The following CUX2 variants were observed in gnomAD, a reference collection of about 807,000 sequenced individuals.
The protein encoded by CUX2 is cut like homeobox 2.
CUX2 carries 40 observed loss-of-function variants against 144.8 expected under a neutral mutation model. The ratio of observed to expected loss-of-function variants is 0.28; its 90% CI spans 0.21 to 0.36. The LOEUF (loss-of-function observed/expected upper bound fraction) is 0.36, where lower values mean the gene tolerates loss of function less well. CUX2 is among the 10% of genes least tolerant of loss of function. The pLI is 1.00. For missense variants in CUX2, 1,615 were observed against 1,994.0 expected (o/e 0.81, Z 3.62); for synonymous variants, 827 against 875.6 (o/e 0.94, Z 0.98).
At chr12:111,163,445 G>C (rs1008209520) in intron 1 of CUX2, among the ~76,000 whole-genome samples, 33 of 152,334 alleles carry the variant, frequency 2.2e-4, no homozygotes, top group African/African-American at 7.0e-4. Context: ...TTATATATGA[G>C]CCTGGGGGAG....
chr12:111,139,190 C>G (rs1876129670), intron 1 of CUX2, among the ~76,000 whole-genome samples: 1 of 152,010 alleles, frequency 6.6e-6, no homozygotes, highest in Admixed American at 6.6e-5. Flanking sequence ...CTACGAGGAC[C>G]AAGGGACATG....
chr12:111,172,837 C>A (rs535213461), intron 1 of CUX2, among the ~76,000 whole-genome samples: 1 of 152,342 alleles, frequency 6.6e-6, no homozygotes, highest in Admixed American at 6.5e-5. Context: ...AGCAGTGAGC[C>A]AGATGTCCAC....
chr12:111,326,448 G>T (rs1887823040), intron 18 of CUX2, among the ~76,000 whole-genome samples: 1 of 150,946 alleles, frequency 6.6e-6, no homozygotes, highest in Non-Finnish European at 1.5e-5. Context: ...ATAGTCTTGT[G>T]GTGGGGTAGG....
At position 111,225,094 on chromosome 12, in the gene CUX2, T is replaced by C. The variant is rs527863700; in HGVS notation, c.222+7157T>C. 3.3e-5 allele frequency among the ~76,000 whole-genome samples: 5 copies of C among 152,050 alleles called. No individual in the cohort carries two copies. The East Asian group carries it at 9.7e-4, about 29-fold the overall frequency. On this transcript the variant is annotated intron_variant, in intron 3 of 21. Transcript: ENST00000261726. ...CTAATTTTTGTAGTTTTTGTAGAGA[T>C]GGGGTTTCACCATGTGGCCTGGGCT...
intron 1 of CUX2, among the ~76,000 whole-genome samples, chr12:111,182,124 C>G (rs1879221899): frequency 6.6e-6 from 1 of 152,142 alleles, no homozygotes; most frequent in Non-Finnish European, 1.5e-5. Context: ...GGATAAAAAT[C>G]AATCTCTGAA....
intron 3 of CUX2, among the ~76,000 whole-genome samples, chr12:111,237,000 T>G (rs942977135): frequency 6.6e-6 from 1 of 151,942 alleles, no homozygotes. Context: ...AATACAAAAA[T>G]TAGTTGGGTG....
chr12:111,306,723 A>G (rs943048823), intron 10 of CUX2, among the ~76,000 whole-genome samples, 198 bp from the exon 11 acceptor site: 2 of 152,210 alleles, frequency 1.3e-5, no homozygotes, highest in Non-Finnish European at 1.5e-5. Context: ...TCTTTTAATC[A>G]AAGTGTAACT....
chr12:111,056,171 C>T (rs1400382070), intron 1 of CUX2, among the ~76,000 whole-genome samples: 1 of 152,160 alleles, frequency 6.6e-6, no homozygotes, highest in Admixed American at 6.5e-5. Context: ...ATGGATCTGT[C>T]AGGGAAGGAG....
At chr12:111,088,975 AC>A (rs1409342000) in intron 1 of CUX2, among the ~76,000 whole-genome samples, 4 of 150,756 alleles carry the variant, frequency 2.7e-5, no homozygotes, top group Non-Finnish European at 5.9e-5. Flanking sequence ...AGGAGTTACG[AC>A]CCCCTCCCCA....
At position 111,077,217 on chromosome 12, in the gene CUX2, C is replaced by T. The variant is rs1467531685; in HGVS notation, c.63+42977C>T. 1.3e-5 allele frequency among the ~76,000 whole-genome samples: 2 copies of T among 152,172 alleles called. No homozygotes were observed. The highest frequency in any genetic ancestry group is 2.9e-5 in the Non-Finnish European group (2 of 68,034). ...AATAGTGCTCCCAAACCCCGCAGCG[C>T]CCCCGAGGCCCAAGCTGGCCTCTGC... On this transcript the variant is annotated intron_variant, in intron 1 of 21. Transcript: ENST00000261726. The surrounding 1 kb of genome is among the most constrained non-coding windows in gnomAD (Gnocchi z 4.1).
At chr12:111,253,932 G>C (rs1315479790) in intron 3 of CUX2, among the ~76,000 whole-genome samples, 1 of 150,556 alleles carries the variant, frequency 6.6e-6, no homozygotes, top group African/African-American at 2.4e-5. Context: ...GTTTCACTAT[G>C]TTGGCCAGGC....
In CUX2 at chr12:111,171,627, C is replaced by T. The variant is rs1399565825; in HGVS notation, c.64-42573C>T. Among the ~76,000 whole-genome samples, 2 of 152,158 alleles carry T rather than the reference C, an allele frequency of 1.3e-5. No homozygotes were observed. Among genetic ancestry groups the T allele is most frequent in the South Asian group, 2.1e-4 (1 of 4,828 alleles). On this transcript the variant is annotated intron_variant, in intron 1 of 21. Coordinates refer to ENST00000261726, the MANE Select transcript of CUX2 (RefSeq NM_015267.4). The surrounding 1 kb of genome is among the most constrained non-coding windows in gnomAD (Gnocchi z 5.0). ...ATGGGACGGAAAAGCCCAGAGTGCC[C>T]TCTCTGAGGAGTCATCCCAGCCTGT...
intron 18 of CUX2, among the ~76,000 whole-genome samples, chr12:111,329,049 T>G (rs1415606999): frequency 8.4e-6 from 1 of 119,610 alleles, no homozygotes; most frequent in Admixed American, 9.3e-5. Context: ...TCTCTCACCA[T>G]CTCTCTCCCC....
chr12:111,311,117 C>T (rs982426388), intron 15 of CUX2, among the ~76,000 whole-genome samples: 7 of 152,230 alleles, frequency 4.6e-5, no homozygotes, highest in African/African-American at 1.4e-4. Flanking sequence ...GCTGTTCACC[C>T]ACTGGGTGAC....
rs547200404 is a variant in CUX2 at position 111,263,332 on chromosome 12, A to C, written c.223-429A>C. Among the ~76,000 whole-genome samples the C allele has an allele frequency of 6.6e-6, 1 of 152,164 alleles. No individual in the cohort carries two copies. The highest frequency in any genetic ancestry group is 1.9e-4 in the East Asian group (1 of 5,200). ...CAAGAAAAAAAATACATGGCCAGCC[A>C]TGGTGGCTCATGCCTGTAATCCCAG... On this transcript the variant is annotated intron_variant, in intron 3 of 21. Transcript: ENST00000261726. The surrounding 1 kb of genome is among the most constrained non-coding windows in gnomAD (Gnocchi z 4.0).
chr12:111,067,545 T>C (rs1871072579), intron 1 of CUX2, among the ~76,000 whole-genome samples: 1 of 152,202 alleles, frequency 6.6e-6, no homozygotes, highest in Non-Finnish European at 1.5e-5. Flanking sequence ...GTGTATTTGG[T>C]TGTTTAAGCT....
In CUX2 at chr12:111,278,478, C is replaced by T. The variant is rs528863611; in HGVS notation, c.302-12940C>T. Among the ~76,000 whole-genome samples, 25 of 152,306 alleles carry T rather than the reference C, an allele frequency of 1.6e-4. 2 individuals carry two copies. The South Asian group carries it at 5.2e-3, about 32-fold the overall frequency. On this transcript the variant is annotated intron_variant, in intron 4 of 21. Transcript: ENST00000261726. ...TGAGGGTCAAGATGTCTTTGAGGAG[C>T]CATTATTCTGCCTGCCACAGAGATG...
At chr12:111,134,658 C>T (rs1234833663) in intron 1 of CUX2, among the ~76,000 whole-genome samples, 2 of 138,492 alleles carry the variant, frequency 1.4e-5, no homozygotes, top group East Asian at 1.9e-4. Flanking sequence ...GTTTCTGCTG[C>T]TGGTATAGTC....
At chr12:111,097,959 G>C (rs1054244231) in intron 1 of CUX2, among the ~76,000 whole-genome samples, 9 of 152,218 alleles carry the variant, frequency 5.9e-5, no homozygotes, top group Admixed American at 4.6e-4. Flanking sequence ...TTTTCCCCGA[G>C]GCTCAGAGTA....
Sources: allele counts gnomAD v4.1 joint callset (sites outside exome capture counted in the v4.1 genomes callset), GRCh38; gene constraint gnomAD v4.1.1; non-coding constraint Gnocchi (gnomAD v3.1); transcripts MANE v1.5; gene names NCBI Gene and HGNC (gene_info 2026-07-23, HGNC 2026-07-21).